The following TRPS1 variants were observed in gnomAD, a reference collection of about 807,000 sequenced individuals.
TRPS1 encodes zinc finger transcription factor Trps1.
In TRPS1, 6 loss-of-function variants were observed where a neutral mutation model predicts 101.2. That is an observed-to-expected ratio of 0.06 (90% CI 0.03 to 0.12). TRPS1 has a LOEUF of 0.12. TRPS1 is among the 10% of genes least tolerant of loss of function. TRPS1 has a pLI of 1.00. For missense variants in TRPS1, 1,363 were observed against 1,567.0 expected (o/e 0.87, Z 2.20); for synonymous variants, 578 against 589.8 (o/e 0.98, Z 0.29).
At chr8:115,663,910 G>A (rs1207043973) in intron 1 of TRPS1, among the ~76,000 whole-genome samples, 1 of 151,862 alleles carries the variant, frequency 6.6e-6, no homozygotes, top group Non-Finnish European at 1.5e-5. Flanking sequence ...TCTAACCAAA[G>A]TCAAGTTCTA....
chr8:115,560,617 C>T (rs1466205531), intron 5 of TRPS1, among the ~76,000 whole-genome samples: 3 of 152,062 alleles, frequency 2.0e-5, no homozygotes, highest in African/African-American at 7.2e-5. Flanking sequence ...GTGTAAACTG[C>T]CCCTGCTCCT....
chr8:115,592,087 C>T lies in TRPS1; in HGVS notation c.2097-4483G>A, dbSNP rs565445496. ...AAACACAGGGGATGGAAAAGGTCTT[C>T]TAACAGAGAAAAAAGAAACTGACTA... On this transcript the variant is annotated intron_variant, in intron 4 of 6. Transcript: ENST00000395715. 8.5e-5 allele frequency among the ~76,000 whole-genome samples: 13 copies of T among 152,268 alleles called. No individual in the cohort carries two copies. The South Asian group carries it at 2.5e-3, about 29-fold the overall frequency.
chr8:115,562,394 T>C (rs997618197), intron 5 of TRPS1, among the ~76,000 whole-genome samples: 1 of 152,008 alleles, frequency 6.6e-6, no homozygotes, highest in African/African-American at 2.4e-5. Context: ...AAAAACCACA[T>C]TTTTAAGTTT....
In TRPS1 at chr8:115,425,583, G is replaced by A. The variant is rs561914399; in HGVS notation, c.2701-7131C>T. On this transcript the variant is annotated intron_variant, in intron 5 of 6. Coordinates refer to ENST00000395715, the MANE Select transcript of TRPS1 (RefSeq NM_014112.5). ...AATGTCGCCACATAGGGAGCTACCC[G>A]ATATATCAGGTAATGCTGCTGTGCT... Among the ~76,000 whole-genome samples the A allele has an allele frequency of 8.5e-5, 13 of 152,302 alleles. No individual in the cohort carries two copies. The South Asian group carries it at 2.3e-3, about 27-fold the overall frequency.
Position 115,619,617 on chromosome 8 carries a change from G to A in TRPS1, c.481C>T (p.Leu161=). 6.2e-7 allele frequency: 1 copy of A among 1,614,182 alleles called. No homozygotes were observed. The highest frequency in any genetic ancestry group is 2.2e-5 in the East Asian group (1 of 44,876). The change falls in exon 3 of 7, where the codon CTG becomes TTG. Residue 161 remains leucine, a synonymous_variant. Coordinates refer to ENST00000395715, the MANE Select transcript of TRPS1 (RefSeq NM_014112.5). ...DMACTPSGDS[L]ETKEDQKMSP... ...ATCTTCTGATCTTCCTTTGTCTCCA[G>A]TGAGTCCCCTGAGGGGGTGCAGGCC...
intron 4 of TRPS1, among the ~76,000 whole-genome samples, chr8:115,597,847 T>A (rs1039240044): frequency 6.6e-6 from 1 of 152,210 alleles, no homozygotes; most frequent in African/African-American, 2.4e-5. Flanking sequence ...TAAAATTGTA[T>A]GAGATTAATA....
At chr8:115,667,417 C>T (rs187521110) in intron 1 of TRPS1, among the ~76,000 whole-genome samples, 1 of 152,320 alleles carries the variant, frequency 6.6e-6, no homozygotes, top group East Asian at 1.9e-4. Flanking sequence ...TTTGCCTTGG[C>T]CTTTCAAAGA....
chr8:115,619,169 G>A lies in TRPS1; in HGVS notation c.929C>T (p.Ser310Leu). Residue 310 changes from serine (S) to leucine (L), a missense_variant, in exon 3 of 7, where the codon TCA (serine) becomes TTA (leucine). Ser to Leu is a moderately radical substitution (Grantham distance 145). Around this residue, in one of 5 missense-constraint regions of TRPS1, gnomAD observed 1,020 missense variants for 1,073.0 expected, o/e 0.95. Coordinates refer to ENST00000395715, the MANE Select transcript of TRPS1 (RefSeq NM_014112.5). ...GGTCCCATTTAGTAAAACAGGCCTT[G>A]AAGAATTGATGTCCTGCAGCACACC... ...FSGVLQDINS[S>L]RPVLLNGTYD... 1 of 1,614,170 alleles carries A rather than the reference G, an allele frequency of 6.2e-7. No homozygotes were observed. Among genetic ancestry groups the A allele is most frequent in the Non-Finnish European group, 8.5e-7 (1 of 1,180,028 alleles).
chr8:115,590,513 C>T (rs1359642855), intron 4 of TRPS1, among the ~76,000 whole-genome samples: 1 of 152,046 alleles, frequency 6.6e-6, no homozygotes, highest in African/African-American at 2.4e-5. Context: ...ACTGTAAATA[C>T]CAGGGTGACA....
chr8:115,624,702 T>C (rs1395536331), intron 1 of TRPS1, among the ~76,000 whole-genome samples: 1 of 151,928 alleles, frequency 6.6e-6, no homozygotes, highest in African/African-American at 2.4e-5. Flanking sequence ...AGGAGTGCAC[T>C]ATTTCTGTTA....
chr8:115,633,037 GTAATA>G (rs1015526353), intron 1 of TRPS1, among the ~76,000 whole-genome samples: 3 of 152,096 alleles, frequency 2.0e-5, no homozygotes, highest in Admixed American at 2.0e-4. Context: ...AGAGCATGGA[GTAATA>G]TAATGAAGAG....
At chr8:115,555,067 A>G (rs1027502639) in intron 5 of TRPS1, among the ~76,000 whole-genome samples, 2 of 152,198 alleles carry the variant, frequency 1.3e-5, no homozygotes, top group African/African-American at 4.8e-5. Context: ...TGTGGGAGCT[A>G]CATTCCCCAA....
At chr8:115,515,454 T>C (rs1373523648) in intron 5 of TRPS1, among the ~76,000 whole-genome samples, 1 of 151,556 alleles carries the variant, frequency 6.6e-6, no homozygotes, top group Non-Finnish European at 1.5e-5. Flanking sequence ...TAGTTTGGCA[T>C]GTAGCATTAA....
chr8:115,539,119 T>A (rs1816391428), intron 5 of TRPS1, among the ~76,000 whole-genome samples: 1 of 152,170 alleles, frequency 6.6e-6, no homozygotes, highest in Non-Finnish European at 1.5e-5. Context: ...TCAGCTAATG[T>A]ATTGAGGGCC....
rs556859947 is a variant in TRPS1, at chr8:115,651,638, T to C, written c.-122+16907A>G. ...GCCCGGTAGCTTCTGGTATGAGCTA[T>C]GCTAAAGCCACACATAAACAGGAGC... is the stretch of plus-strand genomic sequence containing the variant. On this transcript the variant is annotated intron_variant, in intron 1 of 6. Coordinates refer to ENST00000395715, the MANE Select transcript of TRPS1 (RefSeq NM_014112.5). Among the ~76,000 whole-genome samples the C allele has an allele frequency of 1.8e-4, 28 of 152,318 alleles. No individual in the cohort carries two copies. The South Asian group carries it at 2.3e-3, about 12-fold the overall frequency.
At chr8:115,424,950 T>A (rs530746003) in intron 5 of TRPS1, among the ~76,000 whole-genome samples, 1 of 152,204 alleles carries the variant, frequency 6.6e-6, no homozygotes, top group Non-Finnish European at 1.5e-5. Context: ...TCGAAGGCCA[T>A]GTCCCTCCCC....
At chr8:115,499,390 G>A (rs1376670812) in intron 5 of TRPS1, among the ~76,000 whole-genome samples, 1 of 152,132 alleles carries the variant, frequency 6.6e-6, no homozygotes, top group African/African-American at 2.4e-5. Flanking sequence ...AATACTGCCA[G>A]TGGCCAATAT....
chr8:115,499,915 ATTTCTTTCTTTCTTTCTTTC>A (rs373053040), intron 5 of TRPS1, among the ~76,000 whole-genome samples: 11 of 134,772 alleles, frequency 8.2e-5, no homozygotes, highest in East Asian at 2.1e-4. Context: ...AAAGTGCTAA[ATTTCTTTCTTTCTTTCTTTC>A]TTTCTTTCTT....
intron 5 of TRPS1, among the ~76,000 whole-genome samples, chr8:115,535,728 TAA>T (rs1325717435): frequency 1.3e-5 from 2 of 150,832 alleles, no homozygotes; most frequent in Non-Finnish European, 3.0e-5. Context: ...ATATATATGC[TAA>T]GTTTTTTCAT....
Sources: allele counts gnomAD v4.1 joint callset (sites outside exome capture counted in the v4.1 genomes callset), GRCh38; gene constraint gnomAD v4.1.1; regional missense constraint gnomAD v4.1.1; transcripts MANE v1.5; gene names NCBI Gene and HGNC (gene_info 2026-07-23, HGNC 2026-07-21).